The following SEMA6D variants were observed in gnomAD, a reference collection of about 807,000 sequenced individuals.
The protein encoded by SEMA6D is semaphorin 6D.
SEMA6D carries 35 observed loss-of-function variants against 106.6 expected under a neutral mutation model. The ratio of observed to expected loss-of-function variants is 0.33; its 90% CI spans 0.25 to 0.44. The LOEUF is 0.44. Among genes scored for constraint, SEMA6D ranks in the 20% least tolerant of loss-of-function variants. The probability of loss-of-function intolerance (pLI) is 1.00; values close to 1 mark genes in which losing one functional copy is unlikely to be tolerated. For synonymous variants in SEMA6D, 499 were observed against 487.7 expected, an observed-to-expected ratio of 1.02 and a Z score of -0.31; for missense variants, 1,185 against 1,345.9, an observed-to-expected ratio of 0.88 and a Z score of 1.87.
At chr15:47,335,188 G>A (rs896621365) in intron 1 of SEMA6D, among the ~76,000 whole-genome samples, 4 of 152,124 alleles carry the variant, frequency 2.6e-5, no homozygotes, top group Non-Finnish European at 5.9e-5. Context: ...ATCTCGTTTT[G>A]TGGATGGGTA....
At chr15:47,193,791 C>T (rs1435848198) in intron 1 of SEMA6D, among the ~76,000 whole-genome samples, 1 of 152,056 alleles carries the variant, frequency 6.6e-6, no homozygotes, top group Admixed American at 6.6e-5. Context: ...CTGCCTTCTC[C>T]TTGAAAAGCC....
At chr15:47,554,054 T>C (rs544355812) in intron 3 of SEMA6D, among the ~76,000 whole-genome samples, 1 of 152,330 alleles carries the variant, frequency 6.6e-6, no homozygotes, top group African/African-American at 2.4e-5. Context: ...CCAGGGGATC[T>C]AGGCATTATC....
intron 4 of SEMA6D, among the ~76,000 whole-genome samples, chr15:47,617,636 T>C (rs1361404159): frequency 2.0e-5 from 3 of 152,204 alleles, no homozygotes; most frequent in African/African-American, 7.2e-5. Flanking sequence ...GAGAAACATT[T>C]AGCACGGTTT....
intron 2 of SEMA6D, among the ~76,000 whole-genome samples, chr15:47,438,459 G>A (rs866111274): frequency 6.6e-6 from 1 of 152,004 alleles, no homozygotes; most frequent in African/African-American, 2.4e-5. Flanking sequence ...CAACATCCGT[G>A]TAACAGCCCA....
At chr15:47,489,060 A>C (rs1199669759) in intron 3 of SEMA6D, among the ~76,000 whole-genome samples, 1 of 152,174 alleles carries the variant, frequency 6.6e-6, no homozygotes, top group Non-Finnish European at 1.5e-5. Flanking sequence ...TCAAGTGAAG[A>C]ATCCCAAGAT....
intron 3 of SEMA6D, among the ~76,000 whole-genome samples, chr15:47,503,078 C>A (rs2043908380): frequency 6.6e-6 from 1 of 151,994 alleles, no homozygotes; most frequent in Non-Finnish European, 1.5e-5. Context: ...TTGCTTTTTT[C>A]AAGTAATACA....
chr15:47,425,104 C>G (rs1328635749), intron 2 of SEMA6D, among the ~76,000 whole-genome samples: 1 of 152,038 alleles, frequency 6.6e-6, no homozygotes, highest in African/African-American at 2.4e-5. Context: ...AGGCCATCTC[C>G]CGGAGCTTCC....
At chr15:47,208,182 T>G (rs1895239530) in intron 1 of SEMA6D, among the ~76,000 whole-genome samples, 2 of 152,106 alleles carry the variant, frequency 1.3e-5, no homozygotes, top group Admixed American at 1.3e-4. Flanking sequence ...ACATTTTTTT[T>G]AAATGAGAAA....
chr15:47,521,902 G>A (rs1163772741), intron 3 of SEMA6D, among the ~76,000 whole-genome samples: 1 of 151,714 alleles, frequency 6.6e-6, no homozygotes, highest in Non-Finnish European at 1.5e-5. Context: ...GGAGAATGGT[G>A]TAAACCTGGG....
chr15:47,262,482 G>A (rs555443671), intron 1 of SEMA6D, among the ~76,000 whole-genome samples: 1 of 152,080 alleles, frequency 6.6e-6, no homozygotes, highest in South Asian at 2.1e-4. Flanking sequence ...GAGCAAAGGG[G>A]GAAGCCTCTT....
intron 1 of SEMA6D, among the ~76,000 whole-genome samples, chr15:47,190,664 A>T (rs1893897847): frequency 6.6e-6 from 1 of 152,208 alleles, no homozygotes; most frequent in South Asian, 2.1e-4. Flanking sequence ...TGACCTCATG[A>T]GGCAAAGATA....
chr15:47,439,393 C>T (rs2041818254), intron 2 of SEMA6D, among the ~76,000 whole-genome samples: 1 of 152,074 alleles, frequency 6.6e-6, no homozygotes, highest in South Asian at 2.1e-4. Context: ...ATAAGATACT[C>T]AAGATTCTAT....
At chr15:47,191,734 T>C (rs1195450428) in intron 1 of SEMA6D, among the ~76,000 whole-genome samples, 1 of 152,148 alleles carries the variant, frequency 6.6e-6, no homozygotes, top group East Asian at 1.9e-4. Flanking sequence ...TTGGGGGAGC[T>C]ATAATGAAGG....
intron 3 of SEMA6D, among the ~76,000 whole-genome samples, chr15:47,587,243 G>A (rs750531411): frequency 6.6e-5 from 10 of 152,110 alleles, no homozygotes; most frequent in Non-Finnish European, 1.3e-4. Context: ...CACCCGTCAC[G>A]GCTCTGTCCT....
intron 4 of SEMA6D, among the ~76,000 whole-genome samples, chr15:47,611,417 A>C (rs1418527556): frequency 6.6e-6 from 1 of 152,214 alleles, no homozygotes; most frequent in Non-Finnish European, 1.5e-5. Context: ...ACAATTTTTA[A>C]GATTTGGGAA....
chr15:47,251,210 C>T (rs1473474211), intron 1 of SEMA6D, among the ~76,000 whole-genome samples: 1 of 152,188 alleles, frequency 6.6e-6, no homozygotes, highest in Non-Finnish European at 1.5e-5. Context: ...ATTCTAGCCT[C>T]CTTCTGAATT....
intron 1 of SEMA6D, among the ~76,000 whole-genome samples, chr15:47,728,674 G>A (rs150778538): frequency 2.0e-4 from 30 of 152,296 alleles, no homozygotes; most frequent in African/African-American, 5.8e-4. Flanking sequence ...AGTCTGAAAC[G>A]GGTTTCCCTG....
intron 4 of SEMA6D, among the ~76,000 whole-genome samples, chr15:47,644,312 T>G (rs1190756058): frequency 6.6e-6 from 1 of 152,232 alleles, no homozygotes; most frequent in Non-Finnish European, 1.5e-5. Flanking sequence ...ATTGCACAGT[T>G]GGCATTCAAA....
chr15:47,255,368 T>C (rs991308419), intron 1 of SEMA6D, among the ~76,000 whole-genome samples: 11 of 151,900 alleles, frequency 7.2e-5, no homozygotes, highest in African/African-American at 2.7e-4. Flanking sequence ...GTGTCAATTT[T>C]ACTTATTTTT....
Sources: gnomAD v4.1 joint callset for allele counts (sites outside exome capture counted in the v4.1 genomes callset) on GRCh38, gnomAD v4.1.1 for gene constraint, MANE v1.5 for transcripts, NCBI Gene and HGNC (gene_info 2026-07-23, HGNC 2026-07-21) for gene names.